Variants in LIPK observed in about 807,000 individuals in gnomAD.
LIPK encodes the protein lipase member K.
A neutral mutation model predicts 48.6 loss-of-function variants in LIPK; 32 were observed. The observed-to-expected ratio is 0.66, with a 90% confidence interval of 0.50 to 0.88. The LOEUF (loss-of-function observed/expected upper bound fraction) is 0.88, where lower values mean the gene tolerates loss of function less well. Among genes scored for constraint, LIPK ranks in the 40% least tolerant of loss-of-function variants. The probability of loss-of-function intolerance (pLI) is 0.00; values close to 1 mark genes in which losing one functional copy is unlikely to be tolerated. For missense variants in LIPK, 507 were observed against 478.5 expected, an observed-to-expected ratio of 1.06 and a Z score of -0.56; for synonymous variants, 164 against 157.4, an observed-to-expected ratio of 1.04 and a Z score of -0.32.
chr10:88,736,768 T>C (rs1842579879), intron 6 of LIPK, among the ~76,000 whole-genome samples: 5 of 152,150 alleles, frequency 3.3e-5, no homozygotes. Flanking sequence ...AAACCTGGAG[T>C]TGGCTTTTCC....
At chr10:88,751,087 G>A (rs976302448) in intron 9 of LIPK, among the ~76,000 whole-genome samples, 1 of 152,098 alleles carries the variant, frequency 6.6e-6, no homozygotes, top group African/African-American at 2.4e-5. Flanking sequence ...ATTTTTAGGA[G>A]GTAGTAGTAT....
rs774437931 is a variant in LIPK at position 88,732,447 on chromosome 10, G to T, written c.565G>T (p.Ala189Ser). 1.2e-6 allele frequency: 2 copies of T among 1,613,370 alleles called. No homozygotes were observed. The highest frequency in any genetic ancestry group is 2.7e-5 in the African/African-American group (2 of 74,964). Reference sequence around the variant, plus strand: ...AGCATTTTCTACAAACCCAGAACTGGCTAAAAAGATTAAGATATTTTTTGC... The same window carrying T: ...AGCATTTTCTACAAACCCAGAACTGTCTAAAAAGATTAAGATATTTTTTGC... ...FIAFSTNPEL[A>S]KKIKIFFALA... The change falls in exon 6 of 10, where the codon GCT (alanine) becomes TCT (serine). Residue 189 changes from alanine to serine, a missense_variant. Coordinates refer to ENST00000404190, the MANE Select transcript of LIPK (RefSeq NM_001080518.2).
At chr10:88,706,946 G>A (rs1841946713) in intron 1 of LIPK, among the ~76,000 whole-genome samples, 1 of 152,058 alleles carries the variant, frequency 6.6e-6, no homozygotes, top group African/African-American at 2.4e-5. Context: ...ATATTTAAGA[G>A]TATCATGCTC....
intron 1 of LIPK, among the ~76,000 whole-genome samples, chr10:88,707,820 G>C (rs1163840853): frequency 6.6e-6 from 1 of 152,068 alleles, no homozygotes; most frequent in Non-Finnish European, 1.5e-5. Flanking sequence ...CTTTCACCCT[G>C]TGGGTGGGGG....
intron 1 of LIPK, among the ~76,000 whole-genome samples, chr10:88,710,733 A>ACATTTGTAT (rs1842012918): frequency 6.6e-6 from 1 of 152,152 alleles, no homozygotes; most frequent in African/African-American, 2.4e-5. Context: ...CTACTAATGG[A>ACATTTGTAT]CATTTGTATT....
In LIPK at chr10:88,724,648, T is replaced by C. The variant is rs1250159091; in HGVS notation, c.105T>C (p.Ile35=). ...CAAACCCTGAAGCTAATATGAATAT[T>C]GTAAGTCATTTATTCAGAAAAAAAT... ...NNANPEANMN[I]SQIISYWGYP... The change falls in exon 2 of 10, where the codon ATT becomes ATC. Residue 35 remains isoleucine, a splice_region_variant and synonymous_variant. Coordinates refer to ENST00000404190, the MANE Select transcript of LIPK (RefSeq NM_001080518.2). The C allele has an allele frequency of 4.5e-6, 7 of 1,553,822 alleles. No homozygotes were observed. The East Asian group carries it at 1.6e-4, about 36-fold the overall frequency.
chr10:88,732,915 T>C (rs866721009), intron 6 of LIPK, among the ~76,000 whole-genome samples: 1 of 152,290 alleles, frequency 6.6e-6, no homozygotes. Context: ...TGGAATCAGA[T>C]GGTGTGTGTT....
chr10:88,713,721 A>G (rs1035447022), intron 1 of LIPK, among the ~76,000 whole-genome samples: 1 of 152,072 alleles, frequency 6.6e-6, no homozygotes, highest in African/African-American at 2.4e-5. Context: ...TGGGCGGATT[A>G]CCTGAGGTCA....
At chr10:88,726,938 A>C (rs976802697) in intron 3 of LIPK, 26 bp downstream of exon 3, 2 of 1,320,772 alleles carry the variant, frequency 1.5e-6, no homozygotes, top group African/African-American at 2.9e-5. Flanking sequence ...TTATGAAAGG[A>C]AAAATACTTA....
chr10:88,738,607 T>A (rs1842620630), intron 7 of LIPK, among the ~76,000 whole-genome samples: 1 of 152,250 alleles, frequency 6.6e-6, no homozygotes. Flanking sequence ...GATGCAAGGA[T>A]ATATGTAGGT....
At chr10:88,746,308 A>G (rs1481749118) in intron 9 of LIPK, among the ~76,000 whole-genome samples, 1 of 152,176 alleles carries the variant, frequency 6.6e-6, no homozygotes, top group African/African-American at 2.4e-5. Flanking sequence ...ACTCGACCCA[A>G]TAACAGCAGA....
intron 1 of LIPK, among the ~76,000 whole-genome samples, chr10:88,713,309 G>C (rs900322888): frequency 6.6e-6 from 1 of 152,050 alleles, no homozygotes; most frequent in African/African-American, 2.4e-5. Context: ...TAAAGTCAAC[G>C]CCATATAGTT....
At chr10:88,745,356 G>C (rs1842748833) in intron 9 of LIPK, among the ~76,000 whole-genome samples, 1 of 151,974 alleles carries the variant, frequency 6.6e-6, no homozygotes, top group Non-Finnish European at 1.5e-5. Context: ...CTATATGAAA[G>C]AAAAAATATT....
chr10:88,715,565 C>T (rs905320725), intron 1 of LIPK, among the ~76,000 whole-genome samples: 42 of 151,978 alleles, frequency 2.8e-4, no homozygotes, highest in African/African-American at 9.2e-4. Context: ...AGTTGGGCCC[C>T]GCTTTTTTTA....
At chr10:88,751,867 C>T (rs770947450) in intron 9 of LIPK, among the ~76,000 whole-genome samples, 3 of 152,154 alleles carry the variant, frequency 2.0e-5, no homozygotes, top group African/African-American at 7.2e-5. Flanking sequence ...GTTTTAGTCA[C>T]GTGCCCATCT....
At position 88,743,299 on chromosome 10, in the gene LIPK, A is replaced by G; in HGVS notation, c.938A>G (p.Gln313Arg). The G allele has an allele frequency of 1.3e-6, 2 of 1,593,280 alleles. No homozygotes were observed. The highest frequency in any genetic ancestry group is 1.7e-6 in the Non-Finnish European group (2 of 1,167,880). Residue 313 changes from glutamine (Q) to arginine (R), a missense_variant, in exon 9 of 10, where the codon CAG becomes CGG. Gln to Arg is a conservative substitution (Grantham distance 43). Coordinates refer to ENST00000404190, the MANE Select transcript of LIPK (RefSeq NM_001080518.2). ...LQAFDWGNSD[Q>R]NMMHFHQLTP... The stretch of plus-strand genomic sequence containing the variant: ...GCTTTTGATTGGGGAAACTCTGATC[A>G]GAACATGATGCACTTCCATCAGGTA...
intron 2 of LIPK, among the ~76,000 whole-genome samples, chr10:88,725,741 C>G (rs955566672): frequency 2.6e-5 from 4 of 152,184 alleles, no homozygotes; most frequent in Non-Finnish European, 5.9e-5. Context: ...TAAACCTCTA[C>G]GCAGAAGATA....
Position 88,726,460 on chromosome 10 carries a change from G to A in LIPK, c.106-335G>A, listed in dbSNP as rs1842342060. Among the ~76,000 whole-genome samples, 6 of 152,340 alleles carry A rather than the reference G, an allele frequency of 3.9e-5. No individual in the cohort carries two copies. The South Asian group carries it at 1.2e-3, about 32-fold the overall frequency. On this transcript the variant is annotated intron_variant, in intron 2 of 9. Coordinates refer to ENST00000404190, the MANE Select transcript of LIPK (RefSeq NM_001080518.2). The stretch of plus-strand genomic sequence containing the variant: ...CTAGCACTTTGGGAGGCTAAGGCAG[G>A]GGAACGAATGCCTTGAGCTGAGGAG...
At chr10:88,728,715 A>G in intron 3 of LIPK, 1 of 322,514 alleles carries the variant, frequency 3.1e-6, no homozygotes, top group South Asian at 2.9e-5. Flanking sequence ...GAAGACAAGC[A>G]GTGGCTACCC....
Sources: gnomAD v4.1 joint callset for allele counts (sites outside exome capture counted in the v4.1 genomes callset) on GRCh38, gnomAD v4.1.1 for gene constraint, MANE v1.5 for transcripts, NCBI Gene and HGNC (gene_info 2026-07-23, HGNC 2026-07-21) for gene names.